The following CYP7B1 variants were observed in gnomAD, a reference collection of about 807,000 sequenced individuals.
The protein encoded by CYP7B1 is cytochrome P450 7B1.
A neutral mutation model predicts 42.7 loss-of-function variants in CYP7B1; 29 were observed. The observed-to-expected ratio is 0.68, with a 90% CI of 0.51 to 0.93. The LOEUF (loss-of-function observed/expected upper bound fraction) is 0.93, where lower values mean the gene tolerates loss of function less well. CYP7B1 is among the 40% of genes least tolerant of loss of function. The pLI, the probability that CYP7B1 is intolerant of heterozygous loss-of-function variation, is 0.00. For missense variants in CYP7B1, 655 were observed against 600.5 expected (o/e 1.09, Z -0.95); for synonymous variants, 235 against 218.2 (o/e 1.08, Z -0.68).
intron 5 of CYP7B1, among the ~76,000 whole-genome samples, chr8:64,598,419 C>T (rs564471522): frequency 6.6e-6 from 1 of 152,276 alleles, no homozygotes; most frequent in African/African-American, 2.4e-5. Flanking sequence ...CTGCTGCTTC[C>T]TCCTTCACGC....
intron 1 of CYP7B1, among the ~76,000 whole-genome samples, chr8:64,686,119 GC>G (rs1806636446): frequency 1.1e-5 from 1 of 87,570 alleles, no homozygotes; most frequent in Non-Finnish European, 2.4e-5. Context: ...TCAGCCCTCC[GC>G]CCGGCCAGCC....
intron 1 of CYP7B1, among the ~76,000 whole-genome samples, chr8:64,708,522 T>C (rs1257505044): frequency 6.6e-6 from 1 of 152,186 alleles, no homozygotes; most frequent in Non-Finnish European, 1.5e-5. Context: ...GTATCAGGAT[T>C]ATGCTAGTGA....
intron 2 of CYP7B1, among the ~76,000 whole-genome samples, chr8:64,618,000 G>A (rs1320900201): frequency 6.8e-6 from 1 of 146,444 alleles, no homozygotes; most frequent in African/African-American, 2.6e-5. Context: ...TAGGATGCCA[G>A]TAAAGCTAGA....
At chr8:64,662,726 AAGTCCTT>A (rs1456616533) in intron 1 of CYP7B1, among the ~76,000 whole-genome samples, 1 of 152,250 alleles carries the variant, frequency 6.6e-6, no homozygotes, top group Non-Finnish European at 1.5e-5. Context: ...ATGTGGTTAC[AAGTCCTT>A]ACCACAACGC....
intron 1 of CYP7B1, among the ~76,000 whole-genome samples, chr8:64,748,631 C>T (rs979827573): frequency 2.0e-5 from 3 of 152,154 alleles, no homozygotes; most frequent in African/African-American, 7.2e-5. Flanking sequence ...TTTCCCCTAC[C>T]ATCCAGTGAA....
chr8:64,794,128 T>C (rs1804666691), intron 1 of CYP7B1, among the ~76,000 whole-genome samples: 1 of 152,136 alleles, frequency 6.6e-6, no homozygotes, highest in African/African-American at 2.4e-5. Flanking sequence ...AAAGCCACAA[T>C]ATTATCAGCA....
At chr8:64,617,669 C>A (rs1321289074) in intron 2 of CYP7B1, among the ~76,000 whole-genome samples, 1 of 151,884 alleles carries the variant, frequency 6.6e-6, no homozygotes, top group Non-Finnish European at 1.5e-5. Context: ...TGTCATTATT[C>A]CTGTTTGTGT....
chr8:64,745,923 T>C (rs1585891070), intron 1 of CYP7B1, among the ~76,000 whole-genome samples: 1 of 152,294 alleles, frequency 6.6e-6, no homozygotes, highest in East Asian at 1.9e-4. Context: ...TCTGCCATAC[T>C]CACCCTGACA....
chr8:64,650,883 T>C (rs558777721), intron 1 of CYP7B1, among the ~76,000 whole-genome samples: 1 of 152,278 alleles, frequency 6.6e-6, no homozygotes, highest in African/African-American at 2.4e-5. Context: ...TTCTAGAGTA[T>C]TCTGGGGCCT....
intron 1 of CYP7B1, among the ~76,000 whole-genome samples, chr8:64,650,612 C>T (rs1409699252): frequency 6.6e-6 from 1 of 152,166 alleles, no homozygotes; most frequent in Non-Finnish European, 1.5e-5. Context: ...CGTGCTGTTG[C>T]ACTCCATCCT....
intron 1 of CYP7B1, among the ~76,000 whole-genome samples, chr8:64,635,939 T>G (rs4581093): frequency 0.5 from 75,749 of 152,088 alleles, 20,231 homozygotes; most frequent in Non-Finnish European, 0.58. Flanking sequence ...TCTTTGTATC[T>G]ATGTAAGATT....
At chr8:64,741,538 C>T (rs969110076) in intron 1 of CYP7B1, among the ~76,000 whole-genome samples, 5 of 152,274 alleles carry the variant, frequency 3.3e-5, no homozygotes, top group Non-Finnish European at 5.9e-5. Flanking sequence ...AGGCTGGTCT[C>T]GAACTCCTGA....
chr8:64,691,711 T>C (rs1278849963), intron 1 of CYP7B1, among the ~76,000 whole-genome samples: 3 of 152,212 alleles, frequency 2.0e-5, no homozygotes, highest in African/African-American at 7.2e-5. Context: ...TCAACAGTCA[T>C]GGATCATCTG....
intron 1 of CYP7B1, among the ~76,000 whole-genome samples, chr8:64,785,958 G>A (rs1329460095): frequency 6.6e-5 from 10 of 152,146 alleles, no homozygotes; most frequent in Non-Finnish European, 1.5e-4. Flanking sequence ...ACAGAGAAGT[G>A]CCAGCAGGGG....
chr8:64,753,424 T>C (rs1360278577), intron 1 of CYP7B1, among the ~76,000 whole-genome samples: 2 of 152,242 alleles, frequency 1.3e-5, no homozygotes, highest in East Asian at 1.9e-4. Flanking sequence ...AGCAAGTATA[T>C]GTAGACGTTC....
intron 1 of CYP7B1, among the ~76,000 whole-genome samples, chr8:64,727,609 T>C (rs1224414953): frequency 1.3e-5 from 2 of 152,298 alleles, no homozygotes; most frequent in Admixed American, 6.5e-5. Context: ...AAAAGGACTA[T>C]AGGGAACAGT....
At chr8:64,621,366 C>A (rs1191440503) in intron 2 of CYP7B1, among the ~76,000 whole-genome samples, 1 of 152,140 alleles carries the variant, frequency 6.6e-6, no homozygotes, top group Non-Finnish European at 1.5e-5. Context: ...GTAACTCGAC[C>A]CTGGAGAAGA....
At chr8:64,711,046 A>T (rs1807072060) in intron 1 of CYP7B1, among the ~76,000 whole-genome samples, 1 of 152,164 alleles carries the variant, frequency 6.6e-6, no homozygotes, top group African/African-American at 2.4e-5. Flanking sequence ...AGCACATTGC[A>T]GTTTGCCCAT....
At chr8:64,741,061 T>A (rs1399755944) in intron 1 of CYP7B1, among the ~76,000 whole-genome samples, 2 of 151,938 alleles carry the variant, frequency 1.3e-5, no homozygotes, top group Non-Finnish European at 1.5e-5. Flanking sequence ...GTGGTTTTAT[T>A]GAGGATGCAA....
Sources: allele counts gnomAD v4.1 joint callset (sites outside exome capture counted in the v4.1 genomes callset), GRCh38; gene constraint gnomAD v4.1.1; transcripts MANE v1.5; gene names NCBI Gene and HGNC (gene_info 2026-07-23, HGNC 2026-07-21).